Variants in CACNA1D observed in about 807,000 individuals in gnomAD.
CACNA1D encodes voltage-dependent L-type calcium channel subunit alpha-1D.
Under a neutral mutation model 257.1 loss-of-function variants are expected in CACNA1D, and 55 were observed. That is an observed-to-expected ratio of 0.21 (90% CI 0.17 to 0.27). CACNA1D has a LOEUF of 0.27. CACNA1D is among the 10% of genes least tolerant of loss of function. The pLI, the probability that CACNA1D is intolerant of heterozygous loss-of-function variation, is 1.00. For synonymous variants in CACNA1D, 980 were observed against 1,014.9 expected (o/e 0.97, Z 0.65); for missense variants, 1,876 against 2,784.0 (o/e 0.67, Z 7.34).
At chr3:53,781,728 C>T (rs2095426354) in intron 39 of CACNA1D, 61 bp downstream of exon 39, 20 of 1,118,876 alleles carry the variant, frequency 1.8e-5, no homozygotes, top group Non-Finnish European at 2.5e-5. Context: ...ATGCTAGTGT[C>T]TCCAGAAAGT....
intron 3 of CACNA1D, among the ~76,000 whole-genome samples, chr3:53,645,545 T>C (rs2094009876): frequency 6.6e-6 from 1 of 152,196 alleles, no homozygotes; most frequent in African/African-American, 2.4e-5. Flanking sequence ...GGATGTCCAG[T>C]TTTACCGTAC....
Position 53,809,980 on chromosome 3 carries a change from C to A in CACNA1D, c.5874C>A (p.Ile1958=). 6.2e-7 allele frequency: 1 copy of A among 1,614,038 alleles called. No individual in the cohort carries two copies. The highest frequency in any genetic ancestry group is 8.5e-7 in the Non-Finnish European group (1 of 1,179,970). Residue 1958 remains isoleucine (I), a splice_region_variant and synonymous_variant, in exon 47 of 48, where the codon ATC becomes ATA. Transcript: ENST00000350061. The part of the protein sequence containing the change: ...ALPLHLMQQQ[I]MAVAGLDSSK... Reference sequence around the variant, plus strand: ...CCAACAGTCCCCTCTTTCCTCAGATCATGGCAGTTGCCGGCCTAGATTCAA... The same window carrying A: ...CCAACAGTCCCCTCTTTCCTCAGATAATGGCAGTTGCCGGCCTAGATTCAA...
chr3:53,780,271 C>G (rs1440654952), intron 38 of CACNA1D, 143 bp downstream of exon 38: 3 of 710,272 alleles, frequency 4.2e-6, no homozygotes, highest in Non-Finnish European at 7.7e-6. Flanking sequence ...GATGTCCATG[C>G]TGGGCTTGCC....
intron 8 of CACNA1D, among the ~76,000 whole-genome samples, chr3:53,684,642 AAAG>A (rs1456433826): frequency 2.0e-5 from 3 of 151,120 alleles, no homozygotes; most frequent in Non-Finnish European, 4.4e-5. Flanking sequence ...AAAAAAAAAA[AAAG>A]CATCAAAATG....
rs1559488373 is a variant in CACNA1D, at chr3:53,666,325, T to TG, written c.920-13dup. 1 of 1,612,544 alleles carries TG rather than the reference T, an allele frequency of 6.2e-7. No homozygotes were observed. The highest frequency in any genetic ancestry group is 8.5e-7 in the Non-Finnish European group (1 of 1,179,192). ...TCTGTCCTGAGCGGTACAGCCTGTT[T>TG]GCTCTGTTTGCAGATATCGTAGCTG... On this transcript the variant is annotated splice_polypyrimidine_tract_variant and intron_variant, in intron 6 of 47. Coordinates refer to ENST00000350061, the MANE Select transcript of CACNA1D (RefSeq NM_001128840.3).
chr3:53,667,278 A>G (rs1377976614), intron 7 of CACNA1D, among the ~76,000 whole-genome samples: 1 of 152,210 alleles, frequency 6.6e-6, no homozygotes, highest in Admixed American at 6.5e-5. Flanking sequence ...TTTGCTGTAT[A>G]AAAATAAGTG....
intron 9 of CACNA1D, among the ~76,000 whole-genome samples, chr3:53,707,550 A>G (rs1423234546): frequency 6.6e-6 from 1 of 152,246 alleles, no homozygotes; most frequent in African/African-American, 2.4e-5. Context: ...GGTGTTACAC[A>G]ATTAACTGAA....
intron 3 of CACNA1D, among the ~76,000 whole-genome samples, chr3:53,601,949 A>C (rs1227536116): frequency 6.6e-6 from 1 of 152,050 alleles, no homozygotes; most frequent in Admixed American, 6.6e-5. Context: ...GACCTCAGGT[A>C]ATCGGCCCGC....
intron 8 of CACNA1D, among the ~76,000 whole-genome samples, chr3:53,700,597 G>C (rs2094614203): frequency 6.6e-6 from 1 of 152,216 alleles, no homozygotes; most frequent in South Asian, 2.1e-4. Context: ...TGTGGTACAT[G>C]TGAATGGCGA....
chr3:53,810,073 C>T lies in CACNA1D; in HGVS notation c.5967C>T (p.Pro1989=). ...RSWATPPATP[P]YRDWTPCYTP... ...GGGCCACCCCTCCAGCAACCCCTCC[C>T]TACCGGGACTGGACACCGTGCTACA... is the stretch of plus-strand genomic sequence containing the variant. Residue 1989 remains proline, a synonymous_variant, in exon 47 of 48, where the codon CCC becomes CCT. Transcript: ENST00000350061. The T allele has an allele frequency of 6.2e-7, 1 of 1,614,008 alleles. No individual in the cohort carries two copies. Among genetic ancestry groups the T allele is most frequent in the East Asian group, 2.2e-5 (1 of 44,874 alleles).
chr3:53,660,389 G>T, intron 5 of CACNA1D, 114 bp downstream of exon 5: 2 of 931,374 alleles, frequency 2.1e-6, no homozygotes, highest in Non-Finnish European at 3.4e-6. Context: ...GGGGTCAGCA[G>T]ATGACCATGG....
chr3:53,562,883 T>C (rs1337069212), intron 3 of CACNA1D, among the ~76,000 whole-genome samples: 2 of 152,216 alleles, frequency 1.3e-5, no homozygotes, highest in Admixed American at 6.5e-5. Context: ...ATGCTATTAT[T>C]GTTCCTTGTT....
intron 14 of CACNA1D, 48 bp downstream of exon 14, chr3:53,724,047 A>C: frequency 7.0e-7 from 1 of 1,428,008 alleles, no homozygotes. Context: ...AGCAGCAGCT[A>C]AAACTCCTCT....
intron 3 of CACNA1D, among the ~76,000 whole-genome samples, chr3:53,530,908 G>A (rs2107446196): frequency 6.6e-6 from 1 of 151,862 alleles, no homozygotes; most frequent in East Asian, 1.9e-4. Context: ...GAGTGCAGTG[G>A]CACAATCAGT....
chr3:53,604,003 C>T (rs2093477320), intron 3 of CACNA1D, among the ~76,000 whole-genome samples: 1 of 152,218 alleles, frequency 6.6e-6, no homozygotes, highest in Non-Finnish European at 1.5e-5. Flanking sequence ...CAGGTATCTA[C>T]ATTTACATAA....
chr3:53,740,234 G>A, intron 20 of CACNA1D, 46 bp from the exon 21 acceptor site: 1 of 1,362,904 alleles, frequency 7.3e-7, no homozygotes, highest in Non-Finnish European at 1.1e-6. Context: ...AGATGTCAGA[G>A]TTTGTCTGAA....
intron 4 of CACNA1D, among the ~76,000 whole-genome samples, chr3:53,657,117 A>G (rs2094155157): frequency 6.6e-6 from 1 of 152,192 alleles, no homozygotes; most frequent in South Asian, 2.1e-4. Context: ...CATAATAGAG[A>G]AAAACTGGAA....
At chr3:53,699,951 T>G (rs902735499) in intron 8 of CACNA1D, among the ~76,000 whole-genome samples, 1 of 151,880 alleles carries the variant, frequency 6.6e-6, no homozygotes, top group African/African-American at 2.4e-5. Flanking sequence ...ATATTTGTAA[T>G]GTTAAAAAGG....
chr3:53,559,149 T>G (rs1185288741), intron 3 of CACNA1D, among the ~76,000 whole-genome samples: 1 of 152,218 alleles, frequency 6.6e-6, no homozygotes, highest in African/African-American at 2.4e-5. Context: ...ACCTCCAGTC[T>G]GCAATTGAAG....
Sources: gnomAD v4.1 joint callset for allele counts (sites outside exome capture counted in the v4.1 genomes callset) on GRCh38, gnomAD v4.1.1 for gene constraint, MANE v1.5 for transcripts, NCBI Gene and HGNC (gene_info 2026-07-23, HGNC 2026-07-21) for gene names.